Variants in CUX1 observed in about 807,000 individuals in gnomAD.
CUX1 encodes cut like homeobox 1.
Under a neutral mutation model 158.8 loss-of-function variants are expected in CUX1, and 31 were observed. That is an observed-to-expected ratio of 0.20 (90% confidence interval 0.15 to 0.26). The LOEUF (loss-of-function observed/expected upper bound fraction) is 0.26. Among genes scored for constraint, CUX1 ranks in the 10% least tolerant of loss-of-function variants. The pLI, the probability that CUX1 is intolerant of heterozygous loss-of-function variation, is 1.00. For synonymous variants in CUX1, 879 were observed against 862.1 expected (o/e 1.02, Z -0.34); for missense variants, 1,589 against 2,014.6 (o/e 0.79, Z 4.04).
chr7:102,233,927 G>A (rs1350733368), intron 21 of CUX1, 125 bp from the exon 22 acceptor site: 4 of 600,208 alleles, frequency 6.7e-6, no homozygotes, highest in African/African-American at 1.9e-5. Flanking sequence ...TGTAAGCTAG[G>A]ATGTCACCAG....
chr7:102,245,824 T>C (rs776867113), intron 23 of CUX1, among the ~76,000 whole-genome samples: 43 of 151,790 alleles, frequency 2.8e-4, no homozygotes, highest in Non-Finnish European at 4.7e-4. Context: ...TACAAAAAAT[T>C]AGCCAGTTGT....
chr7:102,161,357 A>T (rs1454284976), intron 9 of CUX1: 1 of 152,168 alleles, frequency 6.6e-6, no homozygotes, highest in Non-Finnish European at 1.5e-5. Flanking sequence ...CAAAAAAAAT[A>T]AAAGAAGTAG....
chr7:102,101,936 A>G (rs1378383648), intron 5 of CUX1, among the ~76,000 whole-genome samples: 1 of 151,420 alleles, frequency 6.6e-6, no homozygotes, highest in Non-Finnish European at 1.5e-5. Context: ...AAAAGACAAA[A>G]ATGCTGTATG....
chr7:102,065,374 C>G (rs1255243210), intron 3 of CUX1, among the ~76,000 whole-genome samples: 1 of 151,972 alleles, frequency 6.6e-6, no homozygotes, highest in Non-Finnish European at 1.5e-5. Flanking sequence ...GCCACCATGC[C>G]CAGCTAATTT....
intron 2 of CUX1, among the ~76,000 whole-genome samples, chr7:102,015,476 C>A (rs911138225): frequency 3.3e-5 from 5 of 152,172 alleles, no homozygotes; most frequent in African/African-American, 9.7e-5. Flanking sequence ...GATCTACCCA[C>A]TTCAGCCTCC....
chr7:102,256,722 A>G lies in CUX1; in HGVS notation c.*7680A>G, dbSNP rs1789928574. 2 of 985,482 alleles carry G rather than the reference A, an allele frequency of 2.0e-6. No homozygotes were observed. Among genetic ancestry groups the G allele is most frequent in the Non-Finnish European group, 2.4e-6 (2 of 829,948 alleles). 61.0% of individuals were successfully genotyped at this position (985,482 alleles called of 1,614,324 possible). A position where few individuals can be genotyped will look rare whatever the true frequency, so the allele number is the denominator to read the frequency against. On this transcript the variant is annotated 3_prime_UTR_variant, in exon 24 of 24. Transcript: ENST00000292535. ...CAAGTTCAGTTCCCCAAAGCCTCCT[A>G]GAGCCTCTGGTAAGACTTCTGGGTT...
In CUX1 at chr7:101,976,900, A is replaced by ATTTTTTTTTTTTTTTT. The variant is rs10643207; in HGVS notation, c.142-51185_142-51170dup. The stretch of plus-strand genomic sequence containing the variant: ...ATTTGAATAGTCTTTTCCCTTTCTG[A>ATTTTTTTTTTTTTTTT]TTTTTTTTTTTTTTTTTTTTTTTTT... On this transcript the variant is annotated intron_variant, in intron 2 of 23. Coordinates refer to ENST00000292535, the MANE Select transcript of CUX1 (RefSeq NM_181552.4). 3.8e-4 allele frequency among the ~76,000 whole-genome samples: 15 copies of ATTTTTTTTTTTTTTTT among 39,460 alleles called. 1 individual carries two copies. The highest frequency in any genetic ancestry group is 4.2e-4 in the Non-Finnish European group (10 of 23,756). 25.9% of individuals were successfully genotyped at this position (39,460 alleles called of 152,430 possible).
In CUX1 at chr7:101,896,397, T is replaced by C. The variant is rs372854943; in HGVS notation, c.31-19718T>C. 9.2e-5 allele frequency among the ~76,000 whole-genome samples: 14 copies of C among 152,208 alleles called. No individual in the cohort carries two copies. In the East Asian group the frequency reaches 2.7e-3, roughly 29 times the overall value. ...GTTTGCAGAAACGTGAATGGGTGAA[T>C]GAAGGGGTGTATGAAGGTATACACA... On this transcript the variant is annotated intron_variant, in intron 1 of 23. Transcript: ENST00000292535.
intron 8 of CUX1, among the ~76,000 whole-genome samples, chr7:102,140,754 A>G (rs185726923): frequency 8.1e-4 from 123 of 151,002 alleles, no homozygotes; most frequent in African/African-American, 2.8e-3. Flanking sequence ...AATCCCAGCT[A>G]TTGGGGAGGC....
chr7:101,898,636 G>T (rs1466555720), intron 1 of CUX1, among the ~76,000 whole-genome samples: 2 of 149,240 alleles, frequency 1.3e-5, no homozygotes, highest in Non-Finnish European at 3.0e-5. Flanking sequence ...TGTGGCCTGG[G>T]CTGGAGTGCA....
intron 4 of CUX1, among the ~76,000 whole-genome samples, chr7:102,084,427 CT>C (rs11353240): frequency 0.19 from 21,597 of 116,100 alleles, 2,631 homozygotes; most frequent in Middle Eastern, 0.21. Flanking sequence ...ATACTTTTTT[CT>C]TTTTTTTTTT....
intron 8 of CUX1, among the ~76,000 whole-genome samples, chr7:102,135,761 G>A (rs1238797607): frequency 4.6e-5 from 7 of 152,076 alleles, no homozygotes; most frequent in African/African-American, 1.7e-4. Flanking sequence ...GATCACTTGA[G>A]GTCACGAGTT....
chr7:102,052,862 C>T (rs183283108), intron 3 of CUX1, among the ~76,000 whole-genome samples: 2 of 152,282 alleles, frequency 1.3e-5, no homozygotes, highest in Non-Finnish European at 2.9e-5. Flanking sequence ...GGCTGGAATG[C>T]GGTAGTGTGA....
At chr7:102,162,381 C>T (rs1790534514) in intron 9 of CUX1, among the ~76,000 whole-genome samples, 1 of 152,200 alleles carries the variant, frequency 6.6e-6, no homozygotes, top group African/African-American at 2.4e-5. Flanking sequence ...TCAAGTGATT[C>T]CCCTGCCTCA....
intron 2 of CUX1, among the ~76,000 whole-genome samples, chr7:101,975,475 T>C (rs1446869363): frequency 2.0e-5 from 3 of 152,042 alleles, no homozygotes; most frequent in African/African-American, 7.2e-5. Flanking sequence ...GAGGATCACT[T>C]GAGCCCAGGA....
intron 1 of CUX1, among the ~76,000 whole-genome samples, chr7:101,868,574 C>T (rs1374950502): frequency 2.0e-5 from 3 of 152,224 alleles, no homozygotes; most frequent in East Asian, 1.9e-4. Context: ...GACAGCCAGC[C>T]CTGTGCCCTG....
At chr7:102,171,334 G>A (rs930270963) in intron 10 of CUX1, among the ~76,000 whole-genome samples, 2 of 152,082 alleles carry the variant, frequency 1.3e-5, no homozygotes, top group Non-Finnish European at 2.9e-5. Flanking sequence ...AAGTTATTAT[G>A]AGCAAATAAC....
At chr7:102,227,788 T>C in intron 21 of CUX1, 119 bp downstream of exon 21, 1 of 1,000,998 alleles carries the variant, frequency 1.0e-6, no homozygotes, top group Non-Finnish European at 1.5e-6. Context: ...AGGCACCCTT[T>C]GAGAACATGA....
chr7:101,827,337 A>G (rs1434251617), intron 1 of CUX1, among the ~76,000 whole-genome samples: 3 of 141,584 alleles, frequency 2.1e-5, no homozygotes, highest in African/African-American at 7.8e-5. Context: ...ACGGGGTCTC[A>G]TTCTGTCACC....
Sources: gnomAD v4.1 joint callset for allele counts (sites outside exome capture counted in the v4.1 genomes callset) on GRCh38, gnomAD v4.1.1 for gene constraint, MANE v1.5 for transcripts, NCBI Gene and HGNC (gene_info 2026-07-23, HGNC 2026-07-21) for gene names.